Variants in RASGRF1 observed in about 807,000 individuals in gnomAD.
RASGRF1 encodes the protein ras-specific guanine nucleotide-releasing factor 1.
A neutral mutation model predicts 138.7 loss-of-function variants in RASGRF1; 40 were observed. That is an observed-to-expected ratio of 0.29 (90% CI 0.22 to 0.38). The LOEUF (loss-of-function observed/expected upper bound fraction) is 0.38, where lower values mean the gene tolerates loss of function less well. Ranked by LOEUF, RASGRF1 falls within the 10% of genes least tolerant of loss-of-function variation. RASGRF1 has a pLI of 1.00. For missense variants in RASGRF1, 1,108 were observed against 1,650.4 expected, an observed-to-expected ratio of 0.67 and a Z score of 5.69; for synonymous variants, 614 against 663.2, an observed-to-expected ratio of 0.93 and a Z score of 1.14.
intron 3 of RASGRF1, among the ~76,000 whole-genome samples, chr15:79,057,933 C>T (rs1048839130): frequency 4.6e-5 from 7 of 152,206 alleles, no homozygotes; most frequent in Non-Finnish European, 8.8e-5. Context: ...AGTGACCCTG[C>T]GCTCTCCAGA....
chr15:79,025,487 G>A lies in RASGRF1; in HGVS notation c.1382-13C>T. The A allele has an allele frequency of 6.2e-7, 1 of 1,609,892 alleles. No individual in the cohort carries two copies. ...TGAATGAGGGAACCTGTGGGTGGAG[G>A]AGAGAGACCCTGAGCCCATCTCCTG... On this transcript the variant is annotated splice_polypyrimidine_tract_variant and intron_variant, in intron 9 of 26. Transcript: ENST00000558480.
intron 24 of RASGRF1, chr15:78,979,174 C>T (rs377716406): frequency 5.7e-5 from 73 of 1,287,294 alleles, no homozygotes; most frequent in Admixed American, 6.9e-5. Context: ...AGAAGAGAGA[C>T]GGCTGGACAG....
chr15:79,007,043 G>A (rs1395677148), intron 13 of RASGRF1, among the ~76,000 whole-genome samples: 1 of 152,172 alleles, frequency 6.6e-6, no homozygotes, highest in Non-Finnish European at 1.5e-5. Flanking sequence ...AATGTTCTTA[G>A]CAGCATTATT....
chr15:78,993,476 T>G lies in RASGRF1; in HGVS notation c.3028-1682A>C, dbSNP rs192016903. Among the ~76,000 whole-genome samples the G allele has an allele frequency of 2.6e-3, 399 of 151,974 alleles. 4 individuals are homozygous for G. Among genetic ancestry groups the G allele is most frequent in the African/African-American group, 8.8e-3 (364 of 41,414 alleles). ...GGAAGGGTGTGTAGAGAAACCCAGGTGCAGGAACATGGGTGTTGGGGGACA... is the reference window on the plus strand; with the variant it reads ...GGAAGGGTGTGTAGAGAAACCCAGGGGCAGGAACATGGGTGTTGGGGGACA... On this transcript the variant is annotated intron_variant, in intron 20 of 26. Coordinates refer to ENST00000558480, the MANE Select transcript of RASGRF1 (RefSeq NM_001145648.3).
chr15:78,966,506 C>T (rs890628974), intron 26 of RASGRF1, among the ~76,000 whole-genome samples: 18 of 152,154 alleles, frequency 1.2e-4, no homozygotes, highest in African/African-American at 4.3e-4. Context: ...TCCCAAAGTG[C>T]TGGGATTACA....
chr15:78,987,650 T>C (rs2056187654), intron 22 of RASGRF1, among the ~76,000 whole-genome samples: 1 of 152,034 alleles, frequency 6.6e-6, no homozygotes. Flanking sequence ...GAGCTGAGAT[T>C]GTACTACTGC....
intron 10 of RASGRF1, among the ~76,000 whole-genome samples, chr15:79,025,025 AGGGGTCTGTC>A (rs1595914155): frequency 6.6e-6 from 1 of 150,734 alleles, no homozygotes; most frequent in Non-Finnish European, 1.5e-5. Flanking sequence ...CATGCCTTTT[AGGGGTCTGTC>A]CAGGCCCTCT....
At chr15:79,071,709 T>TGCCTTTCTCCTCTGTGTCCCC in intron 1 of RASGRF1, among the ~76,000 whole-genome samples, 1 of 152,240 alleles carries the variant, frequency 6.6e-6, no homozygotes, top group East Asian at 1.9e-4. Flanking sequence ...TCTCTGTTCC[T>TGCCTTTCTCCTCTGTGTCCCC]GCCTTTCTCC....
chr15:78,977,060 G>A (rs1437039945), intron 24 of RASGRF1, among the ~76,000 whole-genome samples: 2 of 152,232 alleles, frequency 1.3e-5, no homozygotes, highest in Non-Finnish European at 2.9e-5. Context: ...AGACGCTCCT[G>A]ATGATGTTAA....
intron 1 of RASGRF1, among the ~76,000 whole-genome samples, chr15:79,070,438 T>C (rs2057740039): frequency 6.6e-6 from 1 of 152,224 alleles, no homozygotes; most frequent in Non-Finnish European, 1.5e-5. Context: ...GATTTCCTTT[T>C]GAGATAAAGA....
At chr15:79,058,624 G>T in intron 2 of RASGRF1, 143 bp from the exon 3 acceptor site, 1 of 1,106,560 alleles carries the variant, frequency 9.0e-7, no homozygotes, top group Non-Finnish European at 1.3e-6. Context: ...CAGAGTGAGA[G>T]GGCTTGGCAG....
chr15:79,053,563 GT>G (rs2057461855), intron 3 of RASGRF1, among the ~76,000 whole-genome samples: 1 of 152,226 alleles, frequency 6.6e-6, no homozygotes. Flanking sequence ...GTTTTAGATG[GT>G]TCCTTCATGG....
At chr15:79,039,979 G>A (rs1443170406) in intron 5 of RASGRF1, among the ~76,000 whole-genome samples, 3 of 152,038 alleles carry the variant, frequency 2.0e-5, no homozygotes, top group Non-Finnish European at 4.4e-5. Flanking sequence ...ATGTTGCCCG[G>A]GCTGGCCTTG....
chr15:78,974,051 T>TG (rs969045275), intron 24 of RASGRF1, among the ~76,000 whole-genome samples: 2 of 152,174 alleles, frequency 1.3e-5, no homozygotes, highest in African/African-American at 2.4e-5. Flanking sequence ...TGGTGACTCA[T>TG]GGGGGACTGC....
intron 8 of RASGRF1, among the ~76,000 whole-genome samples, chr15:79,028,940 T>TA (rs1411347329): frequency 6.6e-6 from 1 of 152,238 alleles, no homozygotes; most frequent in Non-Finnish European, 1.5e-5. Flanking sequence ...CTCTGATCCT[T>TA]AGTTTCCTCA....
At chr15:79,052,889 ACCAAGG>A (rs921011631) in intron 3 of RASGRF1, among the ~76,000 whole-genome samples, 2 of 152,026 alleles carry the variant, frequency 1.3e-5, no homozygotes, top group Non-Finnish European at 2.9e-5. Context: ...GTGGGGAAGG[ACCAAGG>A]CCACCCTCCC....
chr15:79,090,708 T>C lies in RASGRF1; in HGVS notation c.-210A>G. The C allele has an allele frequency of 4.5e-6, 3 of 669,380 alleles. No individual in the cohort carries two copies. In the South Asian group the frequency reaches 6.4e-5, roughly 14 times the overall value. 41.5% of individuals were successfully genotyped at this position (669,380 alleles called of 1,614,324 possible). Reference sequence around the variant, plus strand: ...TACCATTCCCCGCTGGAACCTCTTCTCCGCTCCGCAGAGCCCCAGTACCCG... The same window carrying C: ...TACCATTCCCCGCTGGAACCTCTTCCCCGCTCCGCAGAGCCCCAGTACCCG... On this transcript the variant is annotated 5_prime_UTR_variant, in exon 1 of 27. Transcript: ENST00000558480.
chr15:78,986,711 G>A (rs889258491), intron 22 of RASGRF1, among the ~76,000 whole-genome samples: 1 of 152,084 alleles, frequency 6.6e-6, no homozygotes, highest in Non-Finnish European at 1.5e-5. Flanking sequence ...TAAAAAAGGC[G>A]ATAAAAGGAC....
chr15:78,977,026 CA>C (rs769036112), intron 24 of RASGRF1, among the ~76,000 whole-genome samples: 1 of 152,234 alleles, frequency 6.6e-6, no homozygotes, highest in Admixed American at 6.5e-5. Flanking sequence ...TTGGAGCCCC[CA>C]AACTGGATGT....
Sources: gnomAD v4.1 joint callset for allele counts (sites outside exome capture counted in the v4.1 genomes callset) on GRCh38, gnomAD v4.1.1 for gene constraint, MANE v1.5 for transcripts, NCBI Gene and HGNC (gene_info 2026-07-23, HGNC 2026-07-21) for gene names.